CRAMP1: variants seen among roughly 807,000 people sequenced by gnomAD.
CRAMP1 encodes cramped chromatin regulator 1.
A neutral mutation model predicts 115.4 loss-of-function variants in CRAMP1; 50 were observed. That is an observed-to-expected ratio of 0.43 (90% CI 0.35 to 0.55). The LOEUF (loss-of-function observed/expected upper bound fraction) is 0.55. CRAMP1 is among the 20% of genes least tolerant of loss of function. The pLI is 0.01. For missense variants in CRAMP1, 1,679 were observed against 1,721.7 expected, an observed-to-expected ratio of 0.98 and a Z score of 0.44; for synonymous variants, 866 against 745.4, an observed-to-expected ratio of 1.16 and a Z score of -2.64.
In CRAMP1 at chr16:1,634,103, T is replaced by C. The variant is rs548222486; in HGVS notation, c.694+1738T>C. ...CTGTGGCTGGTCTTGAAAAGCTCTC[T>C]ATGGGGGAAGCTGGCCAGCAGCGGA... On this transcript the variant is annotated intron_variant, in intron 4 of 20. Transcript: ENST00000397412. Among the ~76,000 whole-genome samples the C allele has an allele frequency of 4.6e-5, 7 of 151,904 alleles. No individual in the cohort carries two copies. The South Asian group carries it at 1.5e-3, about 32-fold the overall frequency.
intron 6 of CRAMP1, among the ~76,000 whole-genome samples, chr16:1,651,518 CT>C (rs2036722951): frequency 7.3e-6 from 1 of 137,134 alleles, no homozygotes; most frequent in African/African-American, 2.8e-5. Context: ...CACAGGTCAT[CT>C]AGAGGTGGAC....
chr16:1,632,475 C>T lies in CRAMP1; in HGVS notation c.694+110C>T, dbSNP rs2036554936. On this transcript the variant is annotated intron_variant, in intron 4 of 20. Transcript: ENST00000397412. ...GACCTGCTTTCTGGCATTTTCTCACCAGCCGCTTGGCCTGGGGCTCCTCGC... is the reference window on the plus strand; with the variant it reads ...GACCTGCTTTCTGGCATTTTCTCACTAGCCGCTTGGCCTGGGGCTCCTCGC... The T allele has an allele frequency of 3.8e-5, 44 of 1,144,284 alleles. No individual in the cohort carries two copies. In the South Asian group the frequency reaches 6.0e-4, roughly 16 times the overall value. The allele number at this position is 1,144,284 out of a possible 1,614,324, so 70.9% of individuals were successfully genotyped here. A position where few individuals can be genotyped will look rare whatever the true frequency, so the allele number is the denominator to read the frequency against.
At chr16:1,629,295 C>G (rs182656654) in intron 3 of CRAMP1, among the ~76,000 whole-genome samples, 1 of 152,188 alleles carries the variant, frequency 6.6e-6, no homozygotes, top group Non-Finnish European at 1.5e-5. Context: ...CACAGGCAGC[C>G]GGGGGCATCC....
At chr16:1,637,941 C>A in intron 5 of CRAMP1, 34 bp downstream of exon 5, 3 of 1,143,338 alleles carry the variant, frequency 2.6e-6, no homozygotes, top group Non-Finnish European at 2.4e-6. Flanking sequence ...GCCCACGGCT[C>A]CTCCTGTCCT....
chr16:1,663,373 T>A (rs1462596378), intron 13 of CRAMP1, among the ~76,000 whole-genome samples: 1 of 152,250 alleles, frequency 6.6e-6, no homozygotes, highest in African/African-American at 2.4e-5. Context: ...TTTGGATTCA[T>A]GCACAGGTTT....
At chr16:1,655,327 A>G in intron 9 of CRAMP1, 27 bp downstream of exon 9, 1 of 1,590,174 alleles carries the variant, frequency 6.3e-7, no homozygotes, top group East Asian at 2.2e-5. Flanking sequence ...AAAGCAAACC[A>G]TCCAGGCTGC....
chr16:1,613,219 G>A (rs1363812769), intron 1 of CRAMP1, among the ~76,000 whole-genome samples: 1 of 152,018 alleles, frequency 6.6e-6, no homozygotes, highest in Non-Finnish European at 1.5e-5. Flanking sequence ...GTTTGTCGTG[G>A]GTGGTTTTGT....
chr16:1,665,315 A>G (rs2036865294), intron 14 of CRAMP1, among the ~76,000 whole-genome samples, 177 bp downstream of exon 14: 1 of 152,094 alleles, frequency 6.6e-6, no homozygotes, highest in African/African-American at 2.4e-5. Context: ...GTGGCGGGCG[A>G]GGCAGCTAGT....
In CRAMP1 at chr16:1,674,343, C is replaced by T. The variant is rs1188697049; in HGVS notation, c.*298C>T. 2.6e-6 allele frequency: 1 copy of T among 389,384 alleles called. No homozygotes were observed. The highest frequency in any genetic ancestry group is 2.0e-5 in the African/African-American group (1 of 49,048). The allele number at this position is 389,384 out of a possible 1,614,324, so 24.1% of individuals were successfully genotyped here. ...GATCCCATTTCAGCCTGTGCTCTGC[C>T]TCGATTGTTGTGTTGGACATTCCGG... On this transcript the variant is annotated 3_prime_UTR_variant, in exon 21 of 21. Coordinates refer to ENST00000397412, the MANE Select transcript of CRAMP1 (RefSeq NM_020825.4).
At position 1,666,855 on chromosome 16, in the gene CRAMP1, C is replaced by A. The variant is rs973206596; in HGVS notation, c.3036+255C>A. Among the ~76,000 whole-genome samples, 2 of 152,216 alleles carry A rather than the reference C, an allele frequency of 1.3e-5. No individual in the cohort carries two copies. The highest frequency in any genetic ancestry group is 4.8e-5 in the African/African-American group (2 of 41,466). Reference sequence around the variant, plus strand: ...GCTAAGACGGTGTGGAAACATAGCTCCATCTGAGAGTGACCATAACCAAGG... The same window carrying A: ...GCTAAGACGGTGTGGAAACATAGCTACATCTGAGAGTGACCATAACCAAGG... On this transcript the variant is annotated intron_variant, in intron 16 of 20. Coordinates refer to ENST00000397412, the MANE Select transcript of CRAMP1 (RefSeq NM_020825.4). The surrounding 1 kb of genome is among the most constrained non-coding windows in gnomAD (Gnocchi z 5.0).
chr16:1,673,783 G>A (rs2036943295), intron 20 of CRAMP1, 98 bp from the exon 21 acceptor site: 1 of 1,101,912 alleles, frequency 9.1e-7, no homozygotes, highest in Non-Finnish European at 1.4e-6. Context: ...CCTGCAGCGG[G>A]AGTCGATAGG....
chr16:1,623,426 T>C (rs918474791), intron 2 of CRAMP1, among the ~76,000 whole-genome samples: 2 of 152,392 alleles, frequency 1.3e-5, no homozygotes, highest in Non-Finnish European at 2.9e-5. Context: ...TCTCCTTGTC[T>C]TGGATCACCA....
rs769360050 is a variant in CRAMP1, at chr16:1,653,162, A to T, written c.1037+6A>T. 2.5e-6 allele frequency: 4 copies of T among 1,606,862 alleles called. No homozygotes were observed. The African/African-American group carries it at 5.3e-5, about 21-fold the overall frequency. On this transcript the variant is annotated splice_donor_region_variant and intron_variant, in intron 8 of 20. Coordinates refer to ENST00000397412, the MANE Select transcript of CRAMP1 (RefSeq NM_020825.4). ...GCCCAGAACCCACGCCTCAGGTAAC[A>T]TGGCCCTTGGCACGCAGAGGGGTCC...
At chr16:1,624,329 C>G (rs922741743) in intron 2 of CRAMP1, among the ~76,000 whole-genome samples, 6 of 151,472 alleles carry the variant, frequency 4.0e-5, no homozygotes, top group African/African-American at 1.5e-4. Flanking sequence ...CCTTCTGGGT[C>G]GATGAAGAAG....
At chr16:1,665,938 G>A (rs1363655608) in intron 14 of CRAMP1, 135 bp from the exon 15 acceptor site, 2 of 641,338 alleles carry the variant, frequency 3.1e-6, no homozygotes, top group African/African-American at 3.6e-5. Context: ...CATTTGGAAT[G>A]TTCAGTGGCT....
intron 6 of CRAMP1, among the ~76,000 whole-genome samples, chr16:1,650,847 A>G (rs2036716464): frequency 6.6e-6 from 1 of 152,254 alleles, no homozygotes. Context: ...ACATGCCCTG[A>G]GCATTTTGTA....
In CRAMP1 at chr16:1,662,499, ACCCTCCAAGAC is replaced by A; in HGVS notation, c.2429_2439del (p.Pro810LeufsTer12). On this transcript the variant is annotated frameshift_variant, in exon 12 of 21. Coordinates refer to ENST00000397412, the MANE Select transcript of CRAMP1 (RefSeq NM_020825.4). LOFTEE classifies it high-confidence loss of function. ...TCCTCTCCTCTCCCAGGTTTGAGAAACCCTCCAAGACCCCTCTTGGTGCCTGGTCCCTCCAG... is the reference window on the plus strand; with the variant it reads ...TCCTCTCCTCTCCCAGGTTTGAGAAACCCTCTTGGTGCCTGGTCCCTCCAG... 1 of 1,613,508 alleles carries A rather than the reference ACCCTCCAAGAC, an allele frequency of 6.2e-7. No individual in the cohort carries two copies. The highest frequency in any genetic ancestry group is 8.5e-7 in the Non-Finnish European group (1 of 1,179,646).
At chr16:1,630,410 C>T (rs1217546738) in intron 3 of CRAMP1, among the ~76,000 whole-genome samples, 3 of 152,174 alleles carry the variant, frequency 2.0e-5, no homozygotes, top group Non-Finnish European at 2.9e-5. Flanking sequence ...CCTCAGCCTC[C>T]TAAAGTGCTG....
At chr16:1,617,949 T>C (rs1244236615) in intron 2 of CRAMP1, among the ~76,000 whole-genome samples, 2 of 152,218 alleles carry the variant, frequency 1.3e-5, no homozygotes, top group Non-Finnish European at 2.9e-5. Context: ...AGTCACATGC[T>C]CAACCTAAAC....
Sources: allele counts gnomAD v4.1 joint callset (sites outside exome capture counted in the v4.1 genomes callset), GRCh38; gene constraint gnomAD v4.1.1; non-coding constraint Gnocchi (gnomAD v3.1); transcripts MANE v1.5; gene names NCBI Gene and HGNC (gene_info 2026-07-23, HGNC 2026-07-21).